PCDHGA2: variants seen among roughly 807,000 people sequenced by gnomAD.
PCDHGA2 encodes protocadherin gamma-A2.
Under a neutral mutation model 59.2 loss-of-function variants are expected in PCDHGA2, and 40 were observed. The observed-to-expected ratio is 0.68, with a 90% CI of 0.52 to 0.88. The LOEUF is 0.88. Ranked by LOEUF, PCDHGA2 falls within the 40% of genes least tolerant of loss-of-function variation. PCDHGA2 has a pLI of 0.00. For synonymous variants in PCDHGA2, 560 were observed against 526.0 expected, an observed-to-expected ratio of 1.06 and a Z score of -0.89; for missense variants, 1,226 against 1,204.0, an observed-to-expected ratio of 1.02 and a Z score of -0.27.
chr5:141,490,804 T>C lies in PCDHGA2; in HGVS notation c.2425-4003T>C. On this transcript the variant is annotated intron_variant, in intron 1 of 3. Coordinates refer to ENST00000394576, the MANE Select transcript of PCDHGA2 (RefSeq NM_018915.4). This position sits in a 1 kb window ranked among gnomAD's most constrained non-coding sequence, Gnocchi z 5.4. The stretch of plus-strand genomic sequence containing the variant: ...TGGACGGATCTTTGCCCAGCGTACC[T>C]TTGACTATGAATTGCTGCAGATGCT... 2 of 1,613,854 alleles carry C rather than the reference T, an allele frequency of 1.2e-6. No homozygotes were observed. Among genetic ancestry groups the C allele is most frequent in the Non-Finnish European group, 1.7e-6 (2 of 1,179,816 alleles).
At chr5:141,406,531 C>T (rs1303471087) in intron 1 of PCDHGA2, among the ~76,000 whole-genome samples, 1 of 152,102 alleles carries the variant, frequency 6.6e-6, no homozygotes, top group African/African-American at 2.4e-5. Flanking sequence ...TATTTTCTGA[C>T]GAAGATTCAA....
intron 1 of PCDHGA2, chr5:141,360,461 T>C: frequency 6.2e-7 from 1 of 1,613,974 alleles, no homozygotes; most frequent in African/African-American, 1.3e-5. Context: ...TTCGATACTG[T>C]CGCTGAAAAT....
In PCDHGA2 at chr5:141,380,519, G is replaced by C. The variant is rs564373516; in HGVS notation, c.2424+39124G>C. 2.0e-5 allele frequency among the ~76,000 whole-genome samples: 3 copies of C among 152,234 alleles called. No homozygotes were observed. In the East Asian group the frequency reaches 5.8e-4, roughly 29 times the overall value. ...CAATAATATACACTCTTTAAACTATGAAATGATTTCAATTTGATACAATGA... is the reference window on the plus strand; with the variant it reads ...CAATAATATACACTCTTTAAACTATCAAATGATTTCAATTTGATACAATGA... On this transcript the variant is annotated intron_variant, in intron 1 of 3. Transcript: ENST00000394576.
chr5:141,405,273 A>G (rs762280864), intron 1 of PCDHGA2: 5 of 1,613,974 alleles, frequency 3.1e-6, no homozygotes, highest in African/African-American at 2.7e-5. Context: ...CCCCAGCCCA[A>G]CTATGCAGAC....
At chr5:141,405,403 T>A (rs1430892971) in intron 1 of PCDHGA2, 2 of 1,586,108 alleles carry the variant, frequency 1.3e-6, no homozygotes, top group Non-Finnish European at 1.7e-6. Flanking sequence ...TCTTTCTTTC[T>A]TTTCTTTTTT....
chr5:141,352,790 G>A, intron 1 of PCDHGA2: 2 of 1,007,032 alleles, frequency 2.0e-6, no homozygotes, highest in South Asian at 1.6e-5. Context: ...AGGAGTTTGA[G>A]ACCAGCATAG....
chr5:141,350,844 A>G, intron 1 of PCDHGA2: 1 of 1,613,980 alleles, frequency 6.2e-7, no homozygotes, highest in South Asian at 1.1e-5. Flanking sequence ...CTGCTGGAAA[A>G]ACCTCTAGAC....
At chr5:141,371,789 T>G in intron 1 of PCDHGA2, 1 of 1,613,924 alleles carries the variant, frequency 6.2e-7, no homozygotes. Flanking sequence ...CTGAGAACAA[T>G]CCGCCTGGAG....
intron 1 of PCDHGA2, among the ~76,000 whole-genome samples, chr5:141,455,574 C>T (rs1214642742): frequency 6.6e-6 from 1 of 152,158 alleles, no homozygotes; most frequent in Non-Finnish European, 1.5e-5. Flanking sequence ...CCTCCCACCC[C>T]AGCCTTTTAA....
chr5:141,397,919 C>T (rs1158998805), intron 1 of PCDHGA2: 12 of 723,342 alleles, frequency 1.7e-5, no homozygotes, highest in Non-Finnish European at 2.2e-5. Context: ...TCCAGATCTC[C>T]TCGCGCAGCC....
chr5:141,391,083 G>A (rs974357992), intron 1 of PCDHGA2: 1 of 152,152 alleles, frequency 6.6e-6, no homozygotes, highest in East Asian at 1.9e-4. Context: ...ATGTGTAACT[G>A]CCTTATCTGC....
chr5:141,392,931 G>T, intron 1 of PCDHGA2: 1 of 1,613,920 alleles, frequency 6.2e-7, no homozygotes, highest in Non-Finnish European at 8.5e-7. Context: ...AGAAGAGACG[G>T]ACAAAGGCTC....
chr5:141,482,505 C>T (rs1183998287), intron 1 of PCDHGA2, among the ~76,000 whole-genome samples: 1 of 122,986 alleles, frequency 8.1e-6, no homozygotes, highest in African/African-American at 3.4e-5. Context: ...TTCTGGTACC[C>T]AGAGTACAGT....
In PCDHGA2 at chr5:141,422,240, T is replaced by C. The variant is rs1472994337; in HGVS notation, c.2425-72567T>C. ...ACCACCACGACGATGTTGATCACTG[T>C]TGTGGATGTGAATGATAACGCTCCA... On this transcript the variant is annotated intron_variant, in intron 1 of 3. Coordinates refer to ENST00000394576, the MANE Select transcript of PCDHGA2 (RefSeq NM_018915.4). 1.3e-6 allele frequency: 2 copies of C among 1,566,716 alleles called. No individual in the cohort carries two copies. The highest frequency in any genetic ancestry group is 1.2e-5 in the South Asian group (1 of 81,384).
intron 1 of PCDHGA2, chr5:141,404,993 C>G (rs1159647700): frequency 6.2e-7 from 1 of 1,613,850 alleles, no homozygotes; most frequent in Non-Finnish European, 8.5e-7. Flanking sequence ...TCTTCAGATC[C>G]CTGCAGACCT....
chr5:141,420,382 C>A, intron 1 of PCDHGA2: 1 of 1,300,530 alleles, frequency 7.7e-7, no homozygotes. Flanking sequence ...ATAGAGTTCG[C>A]AAAATATAGG....
chr5:141,375,828 C>T, intron 1 of PCDHGA2: 1 of 1,614,168 alleles, frequency 6.2e-7, no homozygotes. Context: ...CCCCGCTCCG[C>T]AGAGCCCGGC....
chr5:141,403,685 C>T, intron 1 of PCDHGA2: 4 of 1,613,822 alleles, frequency 2.5e-6, no homozygotes, highest in Non-Finnish European at 3.4e-6. Flanking sequence ...TTTTGCTCAA[C>T]GGATTTACCG....
chr5:141,345,469 C>G, intron 1 of PCDHGA2: 1 of 1,614,122 alleles, frequency 6.2e-7, no homozygotes, highest in Non-Finnish European at 8.5e-7. Context: ...GCCCAGGACC[C>G]AGATAGCAAC....
Sources: allele counts gnomAD v4.1 joint callset (sites outside exome capture counted in the v4.1 genomes callset), GRCh38; gene constraint gnomAD v4.1.1; non-coding constraint Gnocchi (gnomAD v3.1); transcripts MANE v1.5; gene names NCBI Gene and HGNC (gene_info 2026-07-23, HGNC 2026-07-21).